Variants in OPHN1 observed in about 807,000 individuals in gnomAD.
OPHN1 encodes oligophrenin 1.
Under a neutral mutation model 60.7 loss-of-function variants are expected in OPHN1, and 11 were observed. That is an observed-to-expected ratio of 0.18 (90% CI 0.11 to 0.30). The LOEUF (loss-of-function observed/expected upper bound fraction) is 0.30. OPHN1 is among the 10% of genes least tolerant of loss of function. The probability of loss-of-function intolerance (pLI) is 1.00; values close to 1 mark genes in which losing one functional copy is unlikely to be tolerated. For missense variants in OPHN1, 449 were observed against 611.0 expected, an observed-to-expected ratio of 0.73 and a Z score of 2.80; for synonymous variants, 226 against 222.6, an observed-to-expected ratio of 1.02 and a Z score of -0.14.
chrX:68,071,422 ACAGACCC>A, intron 20 of OPHN1: 2 of 842,828 alleles, frequency 2.4e-6, no homozygotes. Context: ...CAGCAGGATG[ACAGACCC>A]AGCAGCTGGG....
chrX:68,213,833 T>A (rs1250462423), intron 7 of OPHN1, 29 bp downstream of exon 7: 3 of 863,046 alleles, frequency 3.5e-6, no homozygotes, highest in Non-Finnish European at 3.4e-6. Context: ...TAAATATTTT[T>A]AGACCATTCA....
intron 16 of OPHN1, among the ~76,000 whole-genome samples, chrX:68,116,612 C>T (rs1247481146): frequency 1.8e-5 from 2 of 111,606 alleles, no homozygotes; most frequent in Non-Finnish European, 3.8e-5. Flanking sequence ...AAGCCCTGAA[C>T]TCATCACTGA....
At chrX:68,105,944 A>G (rs1178803550) in intron 18 of OPHN1, among the ~76,000 whole-genome samples, 2 of 110,644 alleles carry the variant, frequency 1.8e-5, no homozygotes, top group Non-Finnish European at 3.8e-5. Context: ...GAAAAAGTTA[A>G]TATGGTCTGG....
intron 2 of OPHN1, among the ~76,000 whole-genome samples, chrX:68,404,466 T>G (rs2078731458): frequency 9.0e-6 from 1 of 111,319 alleles, no homozygotes; most frequent in Admixed American, 9.6e-5. Flanking sequence ...CCAAAACTTT[T>G]AAATAGAATT....
chrX:68,392,777 G>C (rs1316337834), intron 2 of OPHN1, among the ~76,000 whole-genome samples: 2 of 108,886 alleles, frequency 1.8e-5, no homozygotes, highest in East Asian at 5.9e-4. Flanking sequence ...AGTTCAGCTG[G>C]GAGTGGTCAG....
intron 18 of OPHN1, among the ~76,000 whole-genome samples, chrX:68,100,598 T>C (rs2077054254): frequency 9.0e-6 from 1 of 111,184 alleles, no homozygotes; most frequent in Non-Finnish European, 1.9e-5. Context: ...TACTGTTTCT[T>C]CTATTTTCAT....
intron 2 of OPHN1, among the ~76,000 whole-genome samples, chrX:68,331,730 CAAAAAAAAAAA>C (rs1158512927): frequency 2.5e-5 from 1 of 39,344 alleles, no homozygotes; most frequent in Non-Finnish European, 5.0e-5. Context: ...GACTCTGTAT[CAAAAAAAAAAA>C]AAAAAAAAAA....
At chrX:68,407,289 CATG>C (rs756099319) in intron 2 of OPHN1, among the ~76,000 whole-genome samples, 20 of 112,396 alleles carry the variant, frequency 1.8e-4, no homozygotes, top group Non-Finnish European at 3.2e-4. Context: ...TTCTAGCCAT[CATG>C]TGTCCATTGG....
At chrX:68,358,451 G>A (rs1285994431) in intron 2 of OPHN1, among the ~76,000 whole-genome samples, 3 of 111,867 alleles carry the variant, frequency 2.7e-5, no homozygotes, top group Non-Finnish European at 5.6e-5. Flanking sequence ...TTTTCAAACA[G>A]GATTTATAAC....
intron 23 of OPHN1, 134 bp downstream of exon 23, chrX:68,052,406 A>C: frequency 1.4e-5 from 8 of 590,070 alleles, no homozygotes; most frequent in Non-Finnish European, 1.4e-5. Flanking sequence ...GAATTGGGGA[A>C]GAGAAAGTGA....
intron 5 of OPHN1, among the ~76,000 whole-genome samples, chrX:68,244,829 A>G (rs2077797638): frequency 9.0e-6 from 1 of 111,429 alleles, no homozygotes; most frequent in African/African-American, 3.3e-5. Context: ...TCTTATCCCA[A>G]TTTTACAGAA....
chrX:68,413,876 A>C (rs1274824639), intron 2 of OPHN1, among the ~76,000 whole-genome samples: 1 of 112,013 alleles, frequency 8.9e-6, no homozygotes, highest in Non-Finnish European at 1.9e-5. Context: ...TCACCAGCTC[A>C]TAAGGGGGAA....
intron 2 of OPHN1, among the ~76,000 whole-genome samples, chrX:68,331,174 A>T (rs1007389011): frequency 5.7e-5 from 6 of 106,165 alleles, no homozygotes; most frequent in African/African-American, 2.0e-4. Flanking sequence ...TTTATATATG[A>T]TTATATACAA....
rs184129433 is a variant in OPHN1 at position 68,193,347 on chromosome X, A to C, written c.1202-354T>G. Reference sequence around the variant, plus strand: ...ATCAACCCTCAAGTTGCTTCTAAGCAGTGATATAAATCACGAGAGGGCTGG... The same window carrying C: ...ATCAACCCTCAAGTTGCTTCTAAGCCGTGATATAAATCACGAGAGGGCTGG... On this transcript the variant is annotated intron_variant, in intron 14 of 24. Coordinates refer to ENST00000355520, the MANE Select transcript of OPHN1 (RefSeq NM_002547.3). 6.0e-3 allele frequency among the ~76,000 whole-genome samples: 668 copies of C among 112,206 alleles called. 8 individuals carry two copies. The highest frequency in any genetic ancestry group is 0.02 in the African/African-American group (630 of 30,920).
chrX:68,084,609 GA>G (rs55676217), intron 19 of OPHN1, among the ~76,000 whole-genome samples: 3 of 104,965 alleles, frequency 2.9e-5, no homozygotes, highest in African/African-American at 1.0e-4. Flanking sequence ...ACTTCTCATT[GA>G]AAAAAAAAAC....
chrX:68,329,742 GC>G (rs1488098528), intron 2 of OPHN1, among the ~76,000 whole-genome samples: 1 of 111,906 alleles, frequency 8.9e-6, no homozygotes, highest in Non-Finnish European at 1.9e-5. Flanking sequence ...AGGGAGTTTA[GC>G]TTAGGTACCT....
intron 2 of OPHN1, among the ~76,000 whole-genome samples, chrX:68,395,256 C>G (rs2078677347): frequency 9.3e-6 from 1 of 108,009 alleles, no homozygotes; most frequent in Non-Finnish European, 1.9e-5. Flanking sequence ...TGTGCTTGGC[C>G]TTGTTTTTTT....
intron 6 of OPHN1, among the ~76,000 whole-genome samples, chrX:68,217,187 G>A (rs2147490503): frequency 9.0e-6 from 1 of 111,720 alleles, no homozygotes; most frequent in African/African-American, 3.2e-5. Flanking sequence ...TGGAAAATCG[G>A]GTCACTCCCA....
intron 5 of OPHN1, among the ~76,000 whole-genome samples, chrX:68,251,191 T>G (rs2077832741): frequency 1.0e-5 from 1 of 97,551 alleles, no homozygotes; most frequent in Admixed American, 1.1e-4. Context: ...TTTTTTTTTT[T>G]TTTTTTTTTT....
Sources: gnomAD v4.1 joint callset for allele counts (sites outside exome capture counted in the v4.1 genomes callset) on GRCh38, gnomAD v4.1.1 for gene constraint, MANE v1.5 for transcripts, NCBI Gene and HGNC (gene_info 2026-07-23, HGNC 2026-07-21) for gene names.